RALGAPA2: variants seen among roughly 807,000 people sequenced by gnomAD.
RALGAPA2 encodes ral GTPase-activating protein subunit alpha-2.
In RALGAPA2, 139 loss-of-function variants were observed where a neutral mutation model predicts 230.4. The observed-to-expected ratio is 0.60, with a 90% CI of 0.53 to 0.69. The LOEUF (loss-of-function observed/expected upper bound fraction) is 0.69, where lower values mean the gene tolerates loss of function less well. RALGAPA2 is among the 30% of genes least tolerant of loss of function. The pLI is 0.00. For synonymous variants in RALGAPA2, 847 were observed against 837.8 expected, an observed-to-expected ratio of 1.01 and a Z score of -0.19; for missense variants, 2,163 against 2,276.0, an observed-to-expected ratio of 0.95 and a Z score of 1.01.
chr20:20,507,527 T>C (rs1462051090), intron 33 of RALGAPA2, among the ~76,000 whole-genome samples: 2 of 152,128 alleles, frequency 1.3e-5, no homozygotes, highest in African/African-American at 4.8e-5. Context: ...TAATTTTTTT[T>C]ATTATTTTTA....
chr20:20,643,177 C>T (rs574097162), intron 5 of RALGAPA2, among the ~76,000 whole-genome samples: 88 of 152,208 alleles, frequency 5.8e-4, no homozygotes, highest in African/African-American at 1.9e-3. Flanking sequence ...GCTTAGAGGG[C>T]GACTGCACTT....
At chr20:20,421,374 T>C (rs1280394707) in intron 37 of RALGAPA2, among the ~76,000 whole-genome samples, 1 of 152,208 alleles carries the variant, frequency 6.6e-6, no homozygotes, top group Non-Finnish European at 1.5e-5. Flanking sequence ...GGTAGGAATA[T>C]AAAGTGTGGC....
At chr20:20,407,894 G>A (rs978195365) in intron 38 of RALGAPA2, among the ~76,000 whole-genome samples, 7 of 152,198 alleles carry the variant, frequency 4.6e-5, no homozygotes, top group Non-Finnish European at 1.0e-4. Context: ...TCTGGTTTAA[G>A]CTCCAAATAC....
At chr20:20,514,262 C>T (rs536096289) in intron 31 of RALGAPA2, among the ~76,000 whole-genome samples, 11 of 152,240 alleles carry the variant, frequency 7.2e-5, no homozygotes, top group Admixed American at 5.2e-4. Context: ...CTTTCCGCTC[C>T]GCACCCAAGC....
At chr20:20,544,157 C>T (rs1010947192) in intron 24 of RALGAPA2, among the ~76,000 whole-genome samples, 6 of 151,932 alleles carry the variant, frequency 3.9e-5, no homozygotes, top group Admixed American at 2.6e-4. Flanking sequence ...CACGGTGGCT[C>T]ACACCTGTAA....
chr20:20,393,916 G>C (rs1175015494), intron 39 of RALGAPA2, among the ~76,000 whole-genome samples: 1 of 152,186 alleles, frequency 6.6e-6, no homozygotes, highest in East Asian at 1.9e-4. Flanking sequence ...CACTGTTGCG[G>C]GTGGAGCTGG....
chr20:20,585,010 G>A (rs181763198), intron 18 of RALGAPA2, 55 bp from the exon 19 acceptor site: 95 of 1,219,446 alleles, frequency 7.8e-5, no homozygotes, highest in Middle Eastern at 2.0e-4. Context: ...ATTGTTATAA[G>A]ACTTAAGTTT....
intron 21 of RALGAPA2, among the ~76,000 whole-genome samples, 160 bp from the exon 22 acceptor site, chr20:20,572,106 T>G (rs940780896): frequency 3.9e-5 from 6 of 152,256 alleles, no homozygotes; most frequent in African/African-American, 1.4e-4. Flanking sequence ...ATTATCCTTT[T>G]GAATTACATG....
intron 1 of RALGAPA2, among the ~76,000 whole-genome samples, chr20:20,699,250 T>G (rs963163956): frequency 6.6e-6 from 1 of 152,240 alleles, no homozygotes; most frequent in African/African-American, 2.4e-5. Flanking sequence ...TTTATTTATT[T>G]TAGGAGCAGG....
intron 3 of RALGAPA2, among the ~76,000 whole-genome samples, chr20:20,665,440 C>A (rs1035281930): frequency 2.0e-5 from 3 of 152,220 alleles, no homozygotes; most frequent in African/African-American, 7.2e-5. Context: ...CCACGAACAT[C>A]TTATCTCCAG....
At chr20:20,510,270 T>C (rs934486344) in intron 33 of RALGAPA2, among the ~76,000 whole-genome samples, 15 of 152,348 alleles carry the variant, frequency 9.8e-5, no homozygotes, top group African/African-American at 1.9e-4. Flanking sequence ...AATTCTAAGA[T>C]ATGACTTTGT....
intron 27 of RALGAPA2, among the ~76,000 whole-genome samples, chr20:20,528,310 G>A (rs1333423068): frequency 6.6e-6 from 1 of 152,196 alleles, no homozygotes; most frequent in Non-Finnish European, 1.5e-5. Context: ...GGCTGCACAG[G>A]TCAGCCTGTG....
intron 37 of RALGAPA2, among the ~76,000 whole-genome samples, chr20:20,467,162 A>G (rs6082010): frequency 0.02 from 3,032 of 151,972 alleles, 38 homozygotes; most frequent in South Asian, 0.028. Context: ...AAATCACCCA[A>G]CTCTCAGGGG....
At chr20:20,692,402 T>C (rs768539467) in intron 1 of RALGAPA2, among the ~76,000 whole-genome samples, 1 of 152,234 alleles carries the variant, frequency 6.6e-6, no homozygotes, top group Non-Finnish European at 1.5e-5. Flanking sequence ...GCAGACACTG[T>C]TGCTTTCTCT....
chr20:20,634,697 TG>T (rs2066798099), intron 9 of RALGAPA2, among the ~76,000 whole-genome samples: 1 of 152,146 alleles, frequency 6.6e-6, no homozygotes, highest in African/African-American at 2.4e-5. Context: ...TCCCTGTTCT[TG>T]GGGACAATAA....
At chr20:20,605,695 G>A (rs1201209278) in intron 14 of RALGAPA2, among the ~76,000 whole-genome samples, 38 of 152,128 alleles carry the variant, frequency 2.5e-4, no homozygotes, top group Admixed American at 1.9e-3. Context: ...AAAGCCCTCC[G>A]CACAGTGACA....
At chr20:20,445,851 C>T (rs2060849193) in intron 37 of RALGAPA2, among the ~76,000 whole-genome samples, 1 of 152,138 alleles carries the variant, frequency 6.6e-6, no homozygotes, top group African/African-American at 2.4e-5. Context: ...TTGAAAGAAG[C>T]TGTAAGATTT....
chr20:20,526,139 G>A (rs962968650), intron 28 of RALGAPA2, 113 bp downstream of exon 28: 3 of 830,246 alleles, frequency 3.6e-6, no homozygotes, highest in Non-Finnish European at 5.5e-6. Flanking sequence ...GTGACTTGTG[G>A]CAATTTAATA....
chr20:20,465,311 C>G (rs1399427798), intron 37 of RALGAPA2, among the ~76,000 whole-genome samples: 2 of 152,028 alleles, frequency 1.3e-5, no homozygotes, highest in Non-Finnish European at 2.9e-5. Context: ...TTCAGGCTGG[C>G]AAGGAGTGAG....
Sources: allele counts gnomAD v4.1 joint callset (sites outside exome capture counted in the v4.1 genomes callset), GRCh38; gene constraint gnomAD v4.1.1; transcripts MANE v1.5; gene names NCBI Gene and HGNC (gene_info 2026-07-23, HGNC 2026-07-21).